The following EIF4G3 variants were observed in gnomAD, a reference collection of about 807,000 sequenced individuals.
EIF4G3 encodes eIF-4-gamma 3.
Under a neutral mutation model 186.4 loss-of-function variants are expected in EIF4G3, and 34 were observed. The ratio of observed to expected loss-of-function variants is 0.18; its 90% CI spans 0.14 to 0.24. The LOEUF is 0.24. Ranked by LOEUF, EIF4G3 falls within the 10% of genes least tolerant of loss-of-function variation. The pLI, the probability that EIF4G3 is intolerant of heterozygous loss-of-function variation, is 1.00. For missense variants in EIF4G3, 1,536 were observed against 1,948.5 expected (o/e 0.79, Z 3.99); for synonymous variants, 673 against 679.5 (o/e 0.99, Z 0.15).
At chr1:20,825,018 G>T in intron 33 of EIF4G3, 82 bp downstream of exon 33, 1 of 845,370 alleles carries the variant, frequency 1.2e-6, no homozygotes. Context: ...TTAACGACTG[G>T]AATACGAAGG....
In EIF4G3 at chr1:20,847,627, C is replaced by T. The variant is rs144792333; in HGVS notation, c.3888+1788G>A. Among the ~76,000 whole-genome samples, 756 of 152,240 alleles carry T rather than the reference C, an allele frequency of 5.0e-3. 6 individuals carry two copies. Among genetic ancestry groups the T allele is most frequent in the African/African-American group, 0.017 (721 of 41,536 alleles). ...TGGCCATTCTAATTTTTTTGCAATT[C>T]GTTCACATTTCCCTACTTCCATGCA... On this transcript the variant is annotated intron_variant, in intron 29 of 36. Coordinates refer to ENST00000602326, the MANE Select transcript of EIF4G3 (RefSeq NM_001391906.1).
chr1:20,957,767 A>C (rs1039030242), intron 12 of EIF4G3, among the ~76,000 whole-genome samples: 2 of 152,172 alleles, frequency 1.3e-5, no homozygotes, highest in Admixed American at 1.3e-4. Context: ...ACTACTATGA[A>C]CAACTTTATG....
intron 12 of EIF4G3, among the ~76,000 whole-genome samples, chr1:20,966,865 T>C (rs2074807942): frequency 1.3e-5 from 2 of 152,228 alleles, no homozygotes; most frequent in South Asian, 4.1e-4. Context: ...ATATCTCTAG[T>C]ACACGTCTCT....
At chr1:21,136,996 G>C in intron 2 of EIF4G3, among the ~76,000 whole-genome samples, 1 of 152,006 alleles carries the variant, frequency 6.6e-6, no homozygotes, top group Admixed American at 6.6e-5. Flanking sequence ...TTTATATGAT[G>C]TCTTAATAAT....
At chr1:20,917,184 T>C (rs925770351) in intron 14 of EIF4G3, among the ~76,000 whole-genome samples, 2 of 152,140 alleles carry the variant, frequency 1.3e-5, no homozygotes, top group South Asian at 2.1e-4. Flanking sequence ...CAACAACATA[T>C]ATAAACATGC....
At chr1:20,927,650 G>T (rs1010855411) in intron 14 of EIF4G3, among the ~76,000 whole-genome samples, 1 of 152,130 alleles carries the variant, frequency 6.6e-6, no homozygotes. Context: ...TCTCAGGTAG[G>T]AGAGTTGAAG....
chr1:20,864,592 C>T lies in EIF4G3; in HGVS notation c.2890G>A (p.Ala964Thr), dbSNP rs1196546612. The T allele has an allele frequency of 6.2e-7, 1 of 1,614,036 alleles. No homozygotes were observed. The highest frequency in any genetic ancestry group is 8.5e-7 in the Non-Finnish European group (1 of 1,180,024). ...TTCACCACACAGTCATGCATGATGG[C>T]TTCAGTCAGCATTTTGAGTTTAAAG... ...ELFKLKMLTE[A>T]IMHDCVVKLL... is the part of the protein sequence containing the mutation. Residue 964 changes from alanine to threonine, a missense_variant, in exon 22 of 37, where the codon GCC becomes ACC. Physicochemically the swap from Ala to Thr is moderately conservative, Grantham distance 58. This residue lies in a region of EIF4G3 where 1 missense variants were observed against 21.6 expected (regional missense o/e 0.05). Coordinates refer to ENST00000602326, the MANE Select transcript of EIF4G3 (RefSeq NM_001391906.1).
rs1362835732 is a variant in EIF4G3, at chr1:20,956,921, G to A, written c.715-6810C>T. On this transcript the variant is annotated intron_variant, in intron 12 of 36. Transcript: ENST00000602326. The stretch of plus-strand genomic sequence containing the variant: ...GCCTAGCCCTGAAATAGTTTATAAC[G>A]AAGGGGTCACAAACTCAAATCCCTT... 2.0e-5 allele frequency among the ~76,000 whole-genome samples: 3 copies of A among 152,166 alleles called. 1 individual carries two copies. Among genetic ancestry groups the A allele is most frequent in the African/African-American group, 4.8e-5 (2 of 41,428 alleles).
At chr1:20,970,958 T>C (rs2075770408) in intron 11 of EIF4G3, among the ~76,000 whole-genome samples, 2 of 152,126 alleles carry the variant, frequency 1.3e-5, no homozygotes. Context: ...GAGCGAGACT[T>C]TGTCTCAAAA....
At chr1:20,845,459 A>T (rs547825866) in intron 29 of EIF4G3, among the ~76,000 whole-genome samples, 4 of 152,110 alleles carry the variant, frequency 2.6e-5, no homozygotes. Flanking sequence ...TCAGGAGATC[A>T]AGACCATCCT....
intron 2 of EIF4G3, among the ~76,000 whole-genome samples, chr1:21,107,455 A>T (rs1031761791): frequency 3.9e-5 from 6 of 152,174 alleles, no homozygotes; most frequent in African/African-American, 1.2e-4. Flanking sequence ...GACAGGAATG[A>T]GCTACCGGGC....
chr1:20,807,695 T>C (rs968364674), intron 36 of EIF4G3, among the ~76,000 whole-genome samples, 195 bp from the exon 37 acceptor site: 5 of 151,866 alleles, frequency 3.3e-5, no homozygotes, highest in Non-Finnish European at 7.4e-5. Context: ...GAAAAAAAGA[T>C]TGAAGCAGTC....
chr1:20,965,281 G>A (rs1569731321), intron 12 of EIF4G3, among the ~76,000 whole-genome samples: 1 of 152,050 alleles, frequency 6.6e-6, no homozygotes, highest in African/African-American at 2.4e-5. Flanking sequence ...ACTTCCCCAT[G>A]TATACTCAAT....
rs188762599 is a variant in EIF4G3, at chr1:21,058,048, T to C, written c.-195-7054A>G. Among the ~76,000 whole-genome samples, 5 of 152,346 alleles carry C rather than the reference T, an allele frequency of 3.3e-5. No homozygotes were observed. In the East Asian group the frequency reaches 7.7e-4, roughly 23 times the overall value. ...AGTTTATTTATCTAGCACTAACTTATTGGATTTGATTATATTCTGGCCAAT... is the reference window on the plus strand; with the variant it reads ...AGTTTATTTATCTAGCACTAACTTACTGGATTTGATTATATTCTGGCCAAT... On this transcript the variant is annotated intron_variant, in intron 3 of 36. Transcript: ENST00000602326.
intron 36 of EIF4G3, among the ~76,000 whole-genome samples, chr1:20,808,653 C>A (rs1018046029): frequency 2.0e-5 from 3 of 152,036 alleles, no homozygotes; most frequent in Non-Finnish European, 4.4e-5. Flanking sequence ...TGCACTCCAG[C>A]CTGGGTGACA....
chr1:21,168,395 C>A (rs2097896469), intron 2 of EIF4G3, among the ~76,000 whole-genome samples: 1 of 151,396 alleles, frequency 6.6e-6, no homozygotes, highest in South Asian at 2.1e-4. Context: ...CAGAGCGAGG[C>A]TCCGTCTCAA....
At chr1:21,156,892 T>C (rs1354452577) in intron 2 of EIF4G3, among the ~76,000 whole-genome samples, 1 of 151,908 alleles carries the variant, frequency 6.6e-6, no homozygotes, top group Non-Finnish European at 1.5e-5. Flanking sequence ...CTAGGCAACA[T>C]AGTGAAACCT....
chr1:21,004,816 A>G (rs1052858421), intron 4 of EIF4G3, among the ~76,000 whole-genome samples: 13 of 152,152 alleles, frequency 8.5e-5, no homozygotes, highest in Admixed American at 2.6e-4. Context: ...TGAGTTATAA[A>G]AAACAAAATT....
chr1:20,838,676 G>A (rs2067488701), intron 30 of EIF4G3, among the ~76,000 whole-genome samples: 1 of 152,038 alleles, frequency 6.6e-6, no homozygotes, highest in African/African-American at 2.4e-5. Flanking sequence ...GCTTATTGCT[G>A]AAAGAAAACT....
Sources: allele counts gnomAD v4.1 joint callset (sites outside exome capture counted in the v4.1 genomes callset), GRCh38; gene constraint gnomAD v4.1.1; regional missense constraint gnomAD v4.1.1; transcripts MANE v1.5; gene names NCBI Gene and HGNC (gene_info 2026-07-23, HGNC 2026-07-21).